Variants in CTCF observed in about 807,000 individuals in gnomAD.
CTCF encodes the protein CCCTC-binding factor.
In CTCF, 7 loss-of-function variants were observed where a neutral mutation model predicts 72.3. That is an observed-to-expected ratio of 0.10 (90% CI 0.06 to 0.18). CTCF has a LOEUF of 0.18. Among genes scored for constraint, CTCF ranks in the 10% least tolerant of loss-of-function variants. The probability of loss-of-function intolerance (pLI) is 1.00; values close to 1 mark genes in which losing one functional copy is unlikely to be tolerated. For missense variants in CTCF, 516 were observed against 949.1 expected (o/e 0.54, Z 6.00); for synonymous variants, 374 against 315.8 (o/e 1.18, Z -1.95).
chr16:67,591,654 T>G (rs759811103), intron 2 of CTCF, among the ~76,000 whole-genome samples: 2 of 152,206 alleles, frequency 1.3e-5, no homozygotes, highest in Non-Finnish European at 2.9e-5. Flanking sequence ...TTTTGGCTAG[T>G]GTCCTGCATC....
intron 1 of CTCF, among the ~76,000 whole-genome samples, chr16:67,570,169 C>T (rs2051396535): frequency 2.0e-5 from 3 of 149,824 alleles, no homozygotes; most frequent in Non-Finnish European, 3.0e-5. Flanking sequence ...CTCCGCCTCC[C>T]GGGTTCATGC....
At chr16:67,573,949 T>C (rs1447689491) in intron 2 of CTCF, among the ~76,000 whole-genome samples, 1 of 151,852 alleles carries the variant, frequency 6.6e-6, no homozygotes, top group Non-Finnish European at 1.5e-5. Flanking sequence ...GAGAATCGCT[T>C]GAACCCGGGA....
intron 2 of CTCF, among the ~76,000 whole-genome samples, chr16:67,606,304 T>C (rs1020020786): frequency 1.2e-4 from 19 of 152,222 alleles, no homozygotes; most frequent in African/African-American, 3.9e-4. Flanking sequence ...AACTCTGCCT[T>C]TAAATGTCCT....
intron 2 of CTCF, among the ~76,000 whole-genome samples, chr16:67,607,862 A>G (rs1300631166): frequency 6.6e-6 from 1 of 150,888 alleles, no homozygotes; most frequent in East Asian, 2.0e-4. Context: ...TGCTAAAAAT[A>G]CAGAAAATTA....
At position 67,584,989 on chromosome 16, in the gene CTCF, C is replaced by T. The variant is rs191536878; in HGVS notation, c.-10+13725C>T. On this transcript the variant is annotated intron_variant, in intron 2 of 11. Transcript: ENST00000264010. Reference sequence around the variant, plus strand: ...GCATCAATGTGTATGTCTAGAAAAACAATGTAGAGGCTGTACATTAATTGC... The same window carrying T: ...GCATCAATGTGTATGTCTAGAAAAATAATGTAGAGGCTGTACATTAATTGC... Among the ~76,000 whole-genome samples the T allele has an allele frequency of 5.9e-5, 9 of 152,296 alleles. No individual in the cohort carries two copies. In the East Asian group the frequency reaches 1.7e-3, roughly 29 times the overall value.
chr16:67,580,016 T>G (rs1032242584), intron 2 of CTCF, among the ~76,000 whole-genome samples: 5 of 152,134 alleles, frequency 3.3e-5, no homozygotes, highest in African/African-American at 4.8e-5. Flanking sequence ...AAGGGAAGTC[T>G]TCTTGCTGAT....
chr16:67,591,425 T>G (rs1039766677), intron 2 of CTCF, among the ~76,000 whole-genome samples: 1 of 152,208 alleles, frequency 6.6e-6, no homozygotes, highest in African/African-American at 2.4e-5. Context: ...TTTTTCTGCT[T>G]CTCAGCCCAA....
intron 7 of CTCF, among the ~76,000 whole-genome samples, chr16:67,624,571 C>A (rs1392562769): frequency 6.6e-6 from 1 of 151,964 alleles, no homozygotes; most frequent in South Asian, 2.1e-4. Flanking sequence ...CTCTCACTGG[C>A]CTTAACTCCA....
chr16:67,567,130 G>A (rs981102776), intron 1 of CTCF, among the ~76,000 whole-genome samples: 1 of 152,066 alleles, frequency 6.6e-6, no homozygotes, highest in Non-Finnish European at 1.5e-5. Context: ...GTGAGCCACC[G>A]TGTCCAGCCC....
chr16:67,581,203 C>T (rs894352607), intron 2 of CTCF, among the ~76,000 whole-genome samples: 1 of 152,220 alleles, frequency 6.6e-6, no homozygotes, highest in Admixed American at 6.5e-5. Flanking sequence ...GCTGGGATTA[C>T]AGGCGTGAGC....
intron 10 of CTCF, among the ~76,000 whole-genome samples, chr16:67,631,678 C>CCT (rs2052366968): frequency 1.4e-5 from 1 of 73,374 alleles, no homozygotes; most frequent in Non-Finnish European, 2.4e-5. Context: ...AAGGTCCCCC[C>CCT]CACCCCCCCC....
Position 67,626,746 on chromosome 16 carries a change from T to C in CTCF, c.1518+31T>C, listed in dbSNP as rs1328058788. ...AACCTTCATTGAAAGTTGTTGGTGCTTTCTCGGTGTCTGGTGTTATCAGAG... is the reference window on the plus strand; with the variant it reads ...AACCTTCATTGAAAGTTGTTGGTGCCTTCTCGGTGTCTGGTGTTATCAGAG... On this transcript the variant is annotated intron_variant, in intron 8 of 11. Transcript: ENST00000264010. 7 of 1,375,916 alleles carry C rather than the reference T, an allele frequency of 5.1e-6. No homozygotes were observed. The South Asian group carries it at 1.2e-4, about 24-fold the overall frequency. The allele number at this position is 1,375,916 out of a possible 1,614,324, so 85.2% of individuals were successfully genotyped here.
At chr16:67,602,099 G>C (rs1472495831) in intron 2 of CTCF, among the ~76,000 whole-genome samples, 1 of 152,042 alleles carries the variant, frequency 6.6e-6, no homozygotes, top group African/African-American at 2.4e-5. Context: ...CCTGACCTCA[G>C]GTGATCCGCC....
intron 9 of CTCF, among the ~76,000 whole-genome samples, chr16:67,628,856 C>T (rs1184497691): frequency 6.6e-6 from 1 of 152,124 alleles, no homozygotes; most frequent in Non-Finnish European, 1.5e-5. Context: ...GTCAGGAGAT[C>T]GAGACCATCC....
intron 10 of CTCF, among the ~76,000 whole-genome samples, chr16:67,631,773 T>G (rs1355120171): frequency 6.8e-6 from 1 of 146,996 alleles, no homozygotes; most frequent in Non-Finnish European, 1.5e-5. Flanking sequence ...GTATGCCTCC[T>G]TTAAGATGTC....
At chr16:67,625,224 C>T (rs748314730) in intron 7 of CTCF, among the ~76,000 whole-genome samples, 3 of 151,690 alleles carry the variant, frequency 2.0e-5, no homozygotes, top group Non-Finnish European at 4.4e-5. Context: ...GAGTCTTTGT[C>T]GCCCAGGCTA....
intron 2 of CTCF, among the ~76,000 whole-genome samples, chr16:67,575,815 C>G (rs2051489054): frequency 6.6e-6 from 1 of 151,910 alleles, no homozygotes; most frequent in African/African-American, 2.4e-5. Flanking sequence ...TGTTAATGAA[C>G]TAAACGGAAA....
chr16:67,587,100 ATTTTT>A (rs754060008), intron 2 of CTCF, among the ~76,000 whole-genome samples: 1 of 98,726 alleles, frequency 1.0e-5, no homozygotes, highest in African/African-American at 3.7e-5. Flanking sequence ...CTTCTTAAAC[ATTTTT>A]TTTTTTTTTT....
At chr16:67,613,951 C>T (rs1225042466) in intron 4 of CTCF, among the ~76,000 whole-genome samples, 2 of 152,148 alleles carry the variant, frequency 1.3e-5, no homozygotes, top group African/African-American at 4.8e-5. Context: ...CCCATAAGAG[C>T]AGATGCATAC....
Sources: gnomAD v4.1 joint callset for allele counts (sites outside exome capture counted in the v4.1 genomes callset) on GRCh38, gnomAD v4.1.1 for gene constraint, MANE v1.5 for transcripts, NCBI Gene and HGNC (gene_info 2026-07-23, HGNC 2026-07-21) for gene names.